The following ARHGAP1 variants were observed in gnomAD, a reference collection of about 807,000 sequenced individuals.
ARHGAP1 encodes the protein Rho GTPase activating protein 1, also known as rho GTPase-activating protein 1.
Under a neutral mutation model 52.2 loss-of-function variants are expected in ARHGAP1, and 23 were observed. The ratio of observed to expected loss-of-function variants is 0.44; its 90% CI spans 0.32 to 0.62. ARHGAP1 has a LOEUF of 0.62. Among genes scored for constraint, ARHGAP1 ranks in the 20% least tolerant of loss-of-function variants. The pLI, the probability that ARHGAP1 is intolerant of heterozygous loss-of-function variation, is 0.05. For missense variants in ARHGAP1, 480 were observed against 560.9 expected, an observed-to-expected ratio of 0.86 and a Z score of 1.46; for synonymous variants, 210 against 228.4, an observed-to-expected ratio of 0.92 and a Z score of 0.73.
intron 4 of ARHGAP1, chr11:46,687,014 T>G (rs1460477943): frequency 3.3e-5 from 5 of 152,354 alleles, no homozygotes; most frequent in Admixed American, 6.5e-5. Context: ...TGGCCTTCCC[T>G]GGCAAGCTGT....
chr11:46,679,545 G>A lies in ARHGAP1; in HGVS notation c.1028-77C>T. Reference sequence around the variant, plus strand: ...GGACGCTCTGATGCAGGCTAGAGGGGAGACCCCCAGCAGTCTTCCCTGGGA... The same window carrying A: ...GGACGCTCTGATGCAGGCTAGAGGGAAGACCCCCAGCAGTCTTCCCTGGGA... On this transcript the variant is annotated intron_variant, in intron 11 of 12. Coordinates refer to ENST00000311956, the MANE Select transcript of ARHGAP1 (RefSeq NM_004308.5). The surrounding 1 kb of genome is among the most constrained non-coding windows in gnomAD (Gnocchi z 4.4). 1.9e-6 allele frequency: 3 copies of A among 1,605,296 alleles called. No individual in the cohort carries two copies. Among genetic ancestry groups the A allele is most frequent in the Non-Finnish European group, 2.6e-6 (3 of 1,173,746 alleles).
Position 46,677,511 on chromosome 11 carries a change from C to A in ARHGAP1, c.*1526G>T, listed in dbSNP as rs1457177984. 1 of 164,736 alleles carries A rather than the reference C, an allele frequency of 6.1e-6. No homozygotes were observed. Among genetic ancestry groups the A allele is most frequent in the East Asian group, 1.9e-4 (1 of 5,272 alleles). 10.2% of individuals were successfully genotyped at this position (164,736 alleles called of 1,614,324 possible). ...GGGCTCTGGAATCATCCTGCCTGGC[C>A]AAGGTCATGGGGGCAGGGTCACTGC... is the stretch of plus-strand genomic sequence containing the variant. On this transcript the variant is annotated 3_prime_UTR_variant, in exon 13 of 13. Transcript: ENST00000311956.
At chr11:46,699,006 A>T (rs1170120942) in intron 1 of ARHGAP1, among the ~76,000 whole-genome samples, 1 of 152,210 alleles carries the variant, frequency 6.6e-6, no homozygotes, top group Non-Finnish European at 1.5e-5. Flanking sequence ...TGCAAAATAC[A>T]CCCAACTCTG....
chr11:46,691,545 G>C (rs181234430), intron 3 of ARHGAP1, among the ~76,000 whole-genome samples: 389 of 151,216 alleles, frequency 2.6e-3, no homozygotes, highest in African/African-American at 8.4e-3. Context: ...TTTGCGTCCC[G>C]GGTTCAAGTG....
At position 46,696,097 on chromosome 11, in the gene ARHGAP1, A is replaced by G. The variant is rs2064651841; in HGVS notation, c.11T>C (p.Leu4Pro). MDPLSELQDDLTLD... is the reference protein window; with the variant it reads MDPPSELQDDLTLD... Reference sequence around the variant, plus strand: ...GGTCAGATCATCCTGCAGCTCTGAGAGCGGATCCATGGCCAAGCCTGTCCC... The same window carrying G: ...GGTCAGATCATCCTGCAGCTCTGAGGGCGGATCCATGGCCAAGCCTGTCCC... The change falls in exon 2 of 13, where the codon CTC becomes CCC. Residue 4 changes from leucine (L) to proline (P), a missense_variant. Coordinates refer to ENST00000311956, the MANE Select transcript of ARHGAP1 (RefSeq NM_004308.5). This position sits in a 1 kb window ranked among gnomAD's most constrained non-coding sequence, Gnocchi z 4.8. The G allele has an allele frequency of 1.9e-6, 3 of 1,601,126 alleles. No individual in the cohort carries two copies. The highest frequency in any genetic ancestry group is 8.5e-7 in the Non-Finnish European group (1 of 1,174,016).
At chr11:46,688,336 C>T in intron 3 of ARHGAP1, 76 bp from the exon 4 acceptor site, 1 of 1,413,722 alleles carries the variant, frequency 7.1e-7, no homozygotes. Flanking sequence ...TTAAAGGGGC[C>T]AGGCCTGCTG....
intron 3 of ARHGAP1, among the ~76,000 whole-genome samples, chr11:46,692,080 C>T (rs1029542621): frequency 1.4e-4 from 22 of 152,300 alleles, no homozygotes; most frequent in Admixed American, 8.5e-4. Flanking sequence ...CTCTTTCGTA[C>T]CCTAGCCTAG....
intron 4 of ARHGAP1, among the ~76,000 whole-genome samples, chr11:46,683,037 CTTTTTTTTT>C (rs66603634): frequency 1.8e-5 from 2 of 108,798 alleles, no homozygotes; most frequent in South Asian, 6.2e-4. Flanking sequence ...CCAAAGCCTG[CTTTTTTTTT>C]TTTTTTTTTT....
chr11:46,695,922 G>A (rs2064649340), intron 2 of ARHGAP1, 53 bp downstream of exon 2: 1 of 1,612,896 alleles, frequency 6.2e-7, no homozygotes, highest in African/African-American at 1.3e-5. Flanking sequence ...AGCAGAAGGA[G>A]TGCTTCCCCC....
intron 4 of ARHGAP1, chr11:46,686,906 G>T (rs2064573688): frequency 6.6e-6 from 1 of 152,268 alleles, no homozygotes; most frequent in African/African-American, 2.4e-5. Context: ...GCACCCCACT[G>T]CCCTCAGCAG....
chr11:46,698,985 G>T (rs545973433), intron 1 of ARHGAP1, among the ~76,000 whole-genome samples: 1 of 152,280 alleles, frequency 6.6e-6, no homozygotes, highest in Non-Finnish European at 1.5e-5. Flanking sequence ...CCACAAGCCT[G>T]CTCTACTCTG....
Position 46,680,442 on chromosome 11 carries a change from G to A in ARHGAP1, c.820+45C>T. 2 of 1,607,542 alleles carry A rather than the reference G, an allele frequency of 1.2e-6. No individual in the cohort carries two copies. Among genetic ancestry groups the A allele is most frequent in the Non-Finnish European group, 1.7e-6 (2 of 1,174,434 alleles). On this transcript the variant is annotated intron_variant, in intron 9 of 12. Coordinates refer to ENST00000311956, the MANE Select transcript of ARHGAP1 (RefSeq NM_004308.5). This position sits in a 1 kb window ranked among gnomAD's most constrained non-coding sequence, Gnocchi z 5.9. ...CAGCAGCTTCCCCAGCTTCCTGAAG[G>A]GAGCCGGGAGACCTGGCTGGTGAGG...
In ARHGAP1 at chr11:46,696,139, C is replaced by A. The variant is rs755875695; in HGVS notation, c.-32G>T. Reference sequence around the variant, plus strand: ...GCCTGTCCCAGACAGCCTTGCCCTGCAGAACCTTAAGAGAAACCTGGGAGA... The same window carrying A: ...GCCTGTCCCAGACAGCCTTGCCCTGAAGAACCTTAAGAGAAACCTGGGAGA... On this transcript the variant is annotated 5_prime_UTR_variant, in exon 2 of 13. Coordinates refer to ENST00000311956, the MANE Select transcript of ARHGAP1 (RefSeq NM_004308.5). The surrounding 1 kb of genome is among the most constrained non-coding windows in gnomAD (Gnocchi z 4.8). 133 of 1,565,198 alleles carry A rather than the reference C, an allele frequency of 8.5e-5. No homozygotes were observed. Among genetic ancestry groups the A allele is most frequent in the Non-Finnish European group, 1.1e-4 (124 of 1,156,236 alleles).
At position 46,680,834 on chromosome 11, in the gene ARHGAP1, A is replaced by G; in HGVS notation, c.636-87T>C. 1 of 1,148,198 alleles carries G rather than the reference A, an allele frequency of 8.7e-7. No individual in the cohort carries two copies. The highest frequency in any genetic ancestry group is 1.2e-6 in the Non-Finnish European group (1 of 811,116). The allele number at this position is 1,148,198 out of a possible 1,614,324, so 71.1% of individuals were successfully genotyped here. A position where few individuals can be genotyped will look rare whatever the true frequency, so the allele number is the denominator to read the frequency against. On this transcript the variant is annotated intron_variant, in intron 7 of 12. Transcript: ENST00000311956. The surrounding 1 kb of genome is among the most constrained non-coding windows in gnomAD (Gnocchi z 5.9). ...AATCAAGCATTGACCACGCGGGGTCAGGAGGATCATCTCATGCGATCTCTG... is the reference window on the plus strand; with the variant it reads ...AATCAAGCATTGACCACGCGGGGTCGGGAGGATCATCTCATGCGATCTCTG...
At chr11:46,690,431 T>C (rs2064603449) in intron 3 of ARHGAP1, among the ~76,000 whole-genome samples, 1 of 151,844 alleles carries the variant, frequency 6.6e-6, no homozygotes, top group Admixed American at 6.6e-5. Flanking sequence ...GGGGTCTCAA[T>C]GTGTTGCCCA....
rs184204306 is a variant in ARHGAP1 at position 46,686,232 on chromosome 11, C to T, written c.317+1941G>A. Reference sequence around the variant, plus strand: ...AACTGCTGATCTCGTGATCCACCCACCTTGGCCTCCCAAAGTGCTGGGATT... The same window carrying T: ...AACTGCTGATCTCGTGATCCACCCATCTTGGCCTCCCAAAGTGCTGGGATT... On this transcript the variant is annotated intron_variant, in intron 4 of 12. Transcript: ENST00000311956. Among the ~76,000 whole-genome samples, 124 of 151,930 alleles carry T rather than the reference C, an allele frequency of 8.2e-4. 1 individual carries two copies. Among genetic ancestry groups the T allele is most frequent in the South Asian group, 2.9e-3 (14 of 4,818 alleles).
At chr11:46,687,842 C>A in intron 4 of ARHGAP1, 1 of 272,412 alleles carries the variant, frequency 3.7e-6, no homozygotes, top group East Asian at 7.9e-5. Context: ...AACAGTCAAT[C>A]ATCACATCTG....
intron 3 of ARHGAP1, among the ~76,000 whole-genome samples, chr11:46,693,187 G>A (rs949134415): frequency 7.9e-5 from 12 of 151,742 alleles, no homozygotes; most frequent in Non-Finnish European, 1.2e-4. Flanking sequence ...TAGTAGAGAC[G>A]GGGTTTCTCC....
chr11:46,678,061 G>T lies in ARHGAP1; in HGVS notation c.*976C>A, dbSNP rs1190680253. On this transcript the variant is annotated 3_prime_UTR_variant, in exon 13 of 13. Coordinates refer to ENST00000311956, the MANE Select transcript of ARHGAP1 (RefSeq NM_004308.5). ...TCTGCCCCTCCTACGGGCACTCTTAGTCTCTACCCCAGCCCCTTTAAGAGT... is the reference window on the plus strand; with the variant it reads ...TCTGCCCCTCCTACGGGCACTCTTATTCTCTACCCCAGCCCCTTTAAGAGT... 8.6e-6 allele frequency: 3 copies of T among 350,460 alleles called. No homozygotes were observed. Among genetic ancestry groups the T allele is most frequent in the South Asian group, 2.1e-5 (1 of 48,394 alleles). The allele number at this position is 350,460 out of a possible 1,614,324, so 21.7% of individuals were successfully genotyped here. A position where few individuals can be genotyped will look rare whatever the true frequency, so the allele number is the denominator to read the frequency against.
Sources: allele counts gnomAD v4.1 joint callset (sites outside exome capture counted in the v4.1 genomes callset), GRCh38; gene constraint gnomAD v4.1.1; non-coding constraint Gnocchi (gnomAD v3.1); transcripts MANE v1.5; gene names NCBI Gene and HGNC (gene_info 2026-07-23, HGNC 2026-07-21).